CADM2: variants seen among roughly 807,000 people sequenced by gnomAD.
CADM2 encodes the protein immunoglobulin superfamily member 4D.
Under a neutral mutation model 49.8 loss-of-function variants are expected in CADM2, and 12 were observed. The observed-to-expected ratio is 0.24, with a 90% confidence interval of 0.15 to 0.39. The LOEUF is 0.39. Among genes scored for constraint, CADM2 ranks in the 10% least tolerant of loss-of-function variants. CADM2 has a pLI of 1.00. For missense variants in CADM2, 378 were observed against 492.3 expected, an observed-to-expected ratio of 0.77 and a Z score of 2.20; for synonymous variants, 214 against 175.4, an observed-to-expected ratio of 1.22 and a Z score of -1.74.
intron 1 of CADM2, among the ~76,000 whole-genome samples, chr3:85,107,443 A>G (rs1401888041): frequency 6.6e-6 from 1 of 152,120 alleles, no homozygotes; most frequent in Non-Finnish European, 1.5e-5. Context: ...TGTAAAACAA[A>G]GCAAAACATA....
chr3:85,440,843 A>G (rs758541414), intron 1 of CADM2, among the ~76,000 whole-genome samples: 14 of 152,214 alleles, frequency 9.2e-5, no homozygotes, highest in Middle Eastern at 3.4e-3. Context: ...TTAGCCGGGC[A>G]TGATGGCAGG....
At chr3:85,161,936 G>C (rs1440359632) in intron 1 of CADM2, among the ~76,000 whole-genome samples, 1 of 152,192 alleles carries the variant, frequency 6.6e-6, no homozygotes, top group South Asian at 2.1e-4. Context: ...AGAATCCAGG[G>C]ATGGGGAGGT....
chr3:85,405,440 G>T (rs1386061498), intron 1 of CADM2, among the ~76,000 whole-genome samples: 2 of 152,108 alleles, frequency 1.3e-5, no homozygotes, highest in Non-Finnish European at 2.9e-5. Context: ...CATTCATGGC[G>T]CCCGTCAGTG....
At chr3:85,744,733 T>C (rs771673214) in intron 2 of CADM2, among the ~76,000 whole-genome samples, 1 of 151,788 alleles carries the variant, frequency 6.6e-6, no homozygotes, top group Non-Finnish European at 1.5e-5. Context: ...GGGTCTGGAA[T>C]GGGTGAAGAA....
chr3:85,418,011 G>A (rs73845496), intron 1 of CADM2, among the ~76,000 whole-genome samples: 3,134 of 151,906 alleles, frequency 0.021, 103 homozygotes, highest in African/African-American at 0.071. Flanking sequence ...TATACCACAC[G>A]GTTATATATT....
intron 1 of CADM2, among the ~76,000 whole-genome samples, chr3:85,477,785 C>A (rs1334648018): frequency 6.6e-6 from 1 of 151,878 alleles, no homozygotes; most frequent in Admixed American, 6.6e-5. Context: ...CTATGTACAA[C>A]CAACAAGTCA....
At chr3:85,839,877 G>T (rs1025154067) in intron 3 of CADM2, among the ~76,000 whole-genome samples, 10 of 151,910 alleles carry the variant, frequency 6.6e-5, no homozygotes, top group African/African-American at 2.2e-4. Context: ...TGCCATCTGA[G>T]AGTTCCGAAT....
At chr3:85,611,518 A>G (rs1293572041) in intron 1 of CADM2, among the ~76,000 whole-genome samples, 2 of 151,882 alleles carry the variant, frequency 1.3e-5, no homozygotes, top group Admixed American at 6.6e-5. Flanking sequence ...GAAAGAGTGG[A>G]GGGAAAGACC....
At chr3:85,963,272 T>C (rs1725067451) in intron 8 of CADM2, among the ~76,000 whole-genome samples, 2 of 151,930 alleles carry the variant, frequency 1.3e-5, no homozygotes, top group South Asian at 4.1e-4. Flanking sequence ...ACTTCATGAA[T>C]TGTACAAAAT....
Position 85,805,098 on chromosome 3 carries a change from G to A in CADM2, c.238+2902G>A, listed in dbSNP as rs142848949. 9.9e-5 allele frequency among the ~76,000 whole-genome samples: 15 copies of A among 152,164 alleles called. No homozygotes were observed. The East Asian group carries it at 2.9e-3, about 29-fold the overall frequency. On this transcript the variant is annotated intron_variant, in intron 3 of 9. Coordinates refer to ENST00000383699, the MANE Select transcript of CADM2 (RefSeq NM_001167675.2). ...TGGGAGTACAGGCATGTGCCACCATGCCCAGCTAATTTTTTTTGTATTTTT... is the reference window on the plus strand; with the variant it reads ...TGGGAGTACAGGCATGTGCCACCATACCCAGCTAATTTTTTTTGTATTTTT...
chr3:85,448,069 C>T (rs1195349683), intron 1 of CADM2, among the ~76,000 whole-genome samples: 6 of 152,134 alleles, frequency 3.9e-5, no homozygotes, highest in East Asian at 1.9e-4. Context: ...CTGTGGGTCA[C>T]GCCTCTAATC....
rs533551143 is a variant in CADM2, at chr3:85,726,800, C to G, written c.88+252C>G. Among the ~76,000 whole-genome samples the G allele has an allele frequency of 4.5e-4, 69 of 152,110 alleles. 1 individual carries two copies. Among genetic ancestry groups the G allele is most frequent in the African/African-American group, 1.6e-3 (67 of 41,550 alleles). The stretch of plus-strand genomic sequence containing the variant: ...CTTTATTCCTAAGTATTTCAAAGTG[C>G]AATAAAGTGCTTTTTTTGCACTAAC... On this transcript the variant is annotated intron_variant, in intron 2 of 9. Coordinates refer to ENST00000383699, the MANE Select transcript of CADM2 (RefSeq NM_001167675.2).
At chr3:85,765,339 T>C (rs1378860287) in intron 2 of CADM2, among the ~76,000 whole-genome samples, 1 of 152,116 alleles carries the variant, frequency 6.6e-6, no homozygotes, top group African/African-American at 2.4e-5. Flanking sequence ...AATTGAGGAT[T>C]CATTAATGTT....
chr3:85,863,903 T>C (rs1478760923), intron 3 of CADM2, among the ~76,000 whole-genome samples: 3 of 152,130 alleles, frequency 2.0e-5, no homozygotes, highest in Admixed American at 6.6e-5. Context: ...CTGGTTGCAT[T>C]TGAGTCCCAG....
chr3:85,861,216 T>C (rs954435332), intron 3 of CADM2, among the ~76,000 whole-genome samples: 16 of 152,122 alleles, frequency 1.1e-4, no homozygotes, highest in African/African-American at 3.9e-4. Context: ...TGAGAAATAC[T>C]TGTGGCTTGA....
At chr3:85,413,034 G>T (rs1251717294) in intron 1 of CADM2, among the ~76,000 whole-genome samples, 1 of 149,608 alleles carries the variant, frequency 6.7e-6, no homozygotes. Context: ...CCAGCTATGC[G>T]GGAGGCTGAG....
intron 8 of CADM2, among the ~76,000 whole-genome samples, chr3:85,977,527 GTTAAAATTACACAT>G (rs1726946294): frequency 6.6e-6 from 1 of 151,438 alleles, no homozygotes; most frequent in Non-Finnish European, 1.5e-5. Context: ...AAGTATAAAA[GTTAAAATTACACAT>G]TTTTTAAATT....
Position 85,025,868 on chromosome 3 carries a change from A to G in CADM2, c.61+66200A>G, listed in dbSNP as rs113353150. ...TCAGGAGATGGCTGAGAACTTTTGT[A>G]TCATTGCCCGGTAGCTCTTCTTTTA... On this transcript the variant is annotated intron_variant, in intron 1 of 9. Coordinates refer to ENST00000383699, the MANE Select transcript of CADM2 (RefSeq NM_001167675.2). Among the ~76,000 whole-genome samples the G allele has an allele frequency of 4.2e-3, 644 of 152,216 alleles. 1 individual carries two copies. Among genetic ancestry groups the G allele is most frequent in the African/African-American group, 0.014 (570 of 41,544 alleles).
intron 1 of CADM2, among the ~76,000 whole-genome samples, chr3:85,629,153 A>G (rs1576970881): frequency 1.3e-5 from 2 of 151,876 alleles, no homozygotes; most frequent in Non-Finnish European, 2.9e-5. Context: ...ATATATATAT[A>G]TGTTTTTAAG....
Sources: gnomAD v4.1 joint callset for allele counts (sites outside exome capture counted in the v4.1 genomes callset) on GRCh38, gnomAD v4.1.1 for gene constraint, MANE v1.5 for transcripts, NCBI Gene and HGNC (gene_info 2026-07-23, HGNC 2026-07-21) for gene names.